C3orf62: variants seen among roughly 807,000 people sequenced by gnomAD.
C3orf62 encodes chromosome 3 open reading frame 62.
In C3orf62, 16 loss-of-function variants were observed where a neutral mutation model predicts 21.7. That is an observed-to-expected ratio of 0.74 (90% CI 0.50 to 1.12). The LOEUF (loss-of-function observed/expected upper bound fraction) is 1.12. Ranked by LOEUF, C3orf62 falls within the 50% of genes most tolerant of loss-of-function variation. The pLI is 0.00. For synonymous variants in C3orf62, 114 were observed against 117.0 expected, an observed-to-expected ratio of 0.97 and a Z score of 0.17; for missense variants, 310 against 318.8, an observed-to-expected ratio of 0.97 and a Z score of 0.21.
intron 1 of C3orf62, among the ~76,000 whole-genome samples, chr3:49,276,169 T>TACTGCAAAGTGGTTTCC (rs1188317469): frequency 1.3e-5 from 2 of 152,196 alleles, no homozygotes; most frequent in African/African-American, 4.8e-5. Context: ...CCCCTTTGGG[T>TACTGCAAAGTGGTTTCC]ACTGCAAAGT....
rs746086446 is a variant in C3orf62 at position 49,272,534 on chromosome 3, C to CTTTTTTTT, written c.539-1097_539-1090dup. On this transcript the variant is annotated intron_variant, in intron 2 of 2. Transcript: ENST00000343010. ...TTTGACTTCTAATTTTTCTCCTAAT[C>CTTTTTTTT]TTTTTTTTTTTTTTTTTTTTTTTTT... 1.3e-3 allele frequency among the ~76,000 whole-genome samples: 68 copies of CTTTTTTTT among 51,844 alleles called. 12 individuals carry two copies. Among genetic ancestry groups the CTTTTTTTT allele is most frequent in the African/African-American group, 2.0e-3 (24 of 11,718 alleles). 34.0% of individuals were successfully genotyped at this position (51,844 alleles called of 152,430 possible).
chr3:49,275,616 C>T (rs1213766710), intron 1 of C3orf62, among the ~76,000 whole-genome samples: 1 of 136,854 alleles, frequency 7.3e-6, no homozygotes, highest in South Asian at 2.4e-4. Flanking sequence ...CTGCAAGCTC[C>T]GCCTCCCGGG....
intron 1 of C3orf62, among the ~76,000 whole-genome samples, chr3:49,275,687 C>A (rs1044382764): frequency 1.3e-5 from 2 of 151,452 alleles, no homozygotes; most frequent in Non-Finnish European, 2.9e-5. Context: ...CCCGCCACCA[C>A]GCCCGGCTAA....
In C3orf62 at chr3:49,276,991, C is replaced by G; in HGVS notation, c.-119G>C. 1.4e-6 allele frequency: 2 copies of G among 1,473,952 alleles called. No individual in the cohort carries two copies. The highest frequency in any genetic ancestry group is 2.5e-5 in the Admixed American group (1 of 40,536). The allele number at this position is 1,473,952 out of a possible 1,614,324, so 91.3% of individuals were successfully genotyped here. On this transcript the variant is annotated 5_prime_UTR_variant, in exon 1 of 3. Transcript: ENST00000343010. ...GCAGGACCCACAACCCTCGGGCTTT[C>G]CTCCTGGAGTAGGCGGTTCTCGGCT...
intron 1 of C3orf62, among the ~76,000 whole-genome samples, chr3:49,275,289 T>G (rs1467999192): frequency 6.6e-6 from 1 of 150,850 alleles, no homozygotes; most frequent in Non-Finnish European, 1.5e-5. Flanking sequence ...TATGTTTGTA[T>G]TTTTAGTGGA....
chr3:49,277,063 C>T lies in C3orf62; in HGVS notation c.-191G>A, dbSNP rs1165194251. 5 of 1,481,416 alleles carry T rather than the reference C, an allele frequency of 3.4e-6. No homozygotes were observed. In the African/African-American group the frequency reaches 7.0e-5, roughly 21 times the overall value. 91.8% of individuals were successfully genotyped at this position (1,481,416 alleles called of 1,614,324 possible). On this transcript the variant is annotated 5_prime_UTR_variant, in exon 1 of 3. Coordinates refer to ENST00000343010, the MANE Select transcript of C3orf62 (RefSeq NM_198562.3). Reference sequence around the variant, plus strand: ...TGCCAGAAGCCCCAAAGACGCCCCGCCCCACTTCCCACAGCTTCCTGGCCC... The same window carrying T: ...TGCCAGAAGCCCCAAAGACGCCCCGTCCCACTTCCCACAGCTTCCTGGCCC...
At chr3:49,275,237 C>G (rs1361791010) in intron 1 of C3orf62, among the ~76,000 whole-genome samples, 2 of 151,772 alleles carry the variant, frequency 1.3e-5, no homozygotes, top group Non-Finnish European at 2.9e-5. Context: ...CCTCGGCCTC[C>G]CAAGTAGCTG....
chr3:49,270,271 C>G lies in C3orf62; in HGVS notation c.*909G>C, dbSNP rs1170336340. 6.6e-6 allele frequency: 1 copy of G among 152,196 alleles called. No homozygotes were observed. The highest frequency in any genetic ancestry group is 1.5e-5 in the Non-Finnish European group (1 of 68,056). 9.4% of individuals were successfully genotyped at this position (152,196 alleles called of 1,614,324 possible). On this transcript the variant is annotated 3_prime_UTR_variant, in exon 3 of 3. Transcript: ENST00000343010. ...AATCAAAACAAAAAACAGCCTTTTGCCAGCTCTGCCTCACCCCCATATTCC... is the reference window on the plus strand; with the variant it reads ...AATCAAAACAAAAAACAGCCTTTTGGCAGCTCTGCCTCACCCCCATATTCC...
At chr3:49,273,430 C>T (rs1220171511) in intron 2 of C3orf62, among the ~76,000 whole-genome samples, 1 of 151,900 alleles carries the variant, frequency 6.6e-6, no homozygotes, top group African/African-American at 2.4e-5. Flanking sequence ...TCTCTCCCCC[C>T]AAAAAGTGGT....
At chr3:49,272,348 C>T (rs929263900) in intron 2 of C3orf62, among the ~76,000 whole-genome samples, 11 of 151,680 alleles carry the variant, frequency 7.3e-5, no homozygotes, top group Non-Finnish European at 1.3e-4. Context: ...ATAAAAAATA[C>T]TACTACTAAT....
At chr3:49,276,377 A>C in intron 1 of C3orf62, 50 bp downstream of exon 1, 1 of 1,545,330 alleles carries the variant, frequency 6.5e-7, no homozygotes, top group Non-Finnish European at 8.8e-7. Context: ...CTTTTTCAGA[A>C]ACAAGAATCC....
Position 49,276,659 on chromosome 3 carries a change from C to G in C3orf62, c.214G>C (p.Ala72Pro), listed in dbSNP as rs1374577542. The G allele has an allele frequency of 1.2e-6, 2 of 1,614,226 alleles. No homozygotes were observed. The highest frequency in any genetic ancestry group is 8.5e-7 in the Non-Finnish European group (1 of 1,180,040). ...GCAAAAGGAGCAGCAGAAGAGCAGG[C>G]TGCCAGAGGATGTCTTCTGCAGAGG... is the stretch of plus-strand genomic sequence containing the variant. The part of the protein sequence containing the change: ...RLLCRRHPLA[A>P]CSSAAPFAAV... The change falls in exon 1 of 3, where the codon GCC becomes CCC. Residue 72 changes from alanine to proline, a missense_variant. Transcript: ENST00000343010.
rs1352060616 is a variant in C3orf62, at chr3:49,276,560, G to A, written c.313C>T (p.His105Tyr). The A allele has an allele frequency of 6.2e-7, 1 of 1,614,110 alleles. No individual in the cohort carries two copies. The highest frequency in any genetic ancestry group is 1.1e-5 in the South Asian group (1 of 91,090). Residue 105 changes from histidine to tyrosine, a missense_variant, in exon 1 of 3, where the codon CAT becomes TAT. Transcript: ENST00000343010. ...TNHAPVNAKP[H>Y]ALCPERKPLT... ...GGTTTTCTCTCGGGGCACAGAGCAT[G>A]TGGTTTTGCATTTACCGGGGCATGG...
intron 2 of C3orf62, among the ~76,000 whole-genome samples, 195 bp downstream of exon 2, chr3:49,273,854 C>T (rs1388743229): frequency 6.6e-6 from 1 of 152,104 alleles, no homozygotes; most frequent in Non-Finnish European, 1.5e-5. Flanking sequence ...CGGGGTTTCA[C>T]CATATTGGTT....
In C3orf62 at chr3:49,269,016, C is replaced by G. The variant is rs1575593758; in HGVS notation, c.*2164G>C. 1 of 152,412 alleles carries G rather than the reference C, an allele frequency of 6.6e-6. No individual in the cohort carries two copies. The highest frequency in any genetic ancestry group is 1.5e-5 in the Non-Finnish European group (1 of 68,074). The allele number at this position is 152,412 out of a possible 1,614,324, so 9.4% of individuals were successfully genotyped here. Reference sequence around the variant, plus strand: ...TTCTGACCTCAAGTGATCTGCCCGCCTCAGCCTCCCAAAGTGTCGGGGATT... The same window carrying G: ...TTCTGACCTCAAGTGATCTGCCCGCGTCAGCCTCCCAAAGTGTCGGGGATT... On this transcript the variant is annotated 3_prime_UTR_variant, in exon 3 of 3. Coordinates refer to ENST00000343010, the MANE Select transcript of C3orf62 (RefSeq NM_198562.3).
chr3:49,269,766 T>TCTAA lies in C3orf62; in HGVS notation c.*1410_*1413dup, dbSNP rs1395218716. 7 of 152,226 alleles carry TCTAA rather than the reference T, an allele frequency of 4.6e-5. No homozygotes were observed. Among genetic ancestry groups the TCTAA allele is most frequent in the Admixed American group, 3.9e-4 (6 of 15,272 alleles). 9.4% of individuals were successfully genotyped at this position (152,226 alleles called of 1,614,324 possible). A position where few individuals can be genotyped will look rare whatever the true frequency, so the allele number is the denominator to read the frequency against. ...GGCACATGCAATCAAGTGGCCAGGG[T>TCTAA]CTAACCATGCCATAGTTCTTGGGGC... On this transcript the variant is annotated 3_prime_UTR_variant, in exon 3 of 3. Coordinates refer to ENST00000343010, the MANE Select transcript of C3orf62 (RefSeq NM_198562.3).
chr3:49,271,102 G>T lies in C3orf62; in HGVS notation c.*78C>A. On this transcript the variant is annotated 3_prime_UTR_variant, in exon 3 of 3. Transcript: ENST00000343010. Reference sequence around the variant, plus strand: ...CAACCTTTTGAGAAATGTGGCCCCTGACGGCCATTGTAGCTGCTTCTGCTC... The same window carrying T: ...CAACCTTTTGAGAAATGTGGCCCCTTACGGCCATTGTAGCTGCTTCTGCTC... 1 of 1,426,294 alleles carries T rather than the reference G, an allele frequency of 7.0e-7. No homozygotes were observed. Among genetic ancestry groups the T allele is most frequent in the Non-Finnish European group, 9.5e-7 (1 of 1,047,960 alleles). 88.4% of individuals were successfully genotyped at this position (1,426,294 alleles called of 1,614,324 possible).
At chr3:49,276,140 G>A (rs913246468) in intron 1 of C3orf62, among the ~76,000 whole-genome samples, 2 of 152,200 alleles carry the variant, frequency 1.3e-5, no homozygotes, top group Admixed American at 6.5e-5. Context: ...TTTAAAACCC[G>A]GTTATTTTAC....
intron 1 of C3orf62, among the ~76,000 whole-genome samples, chr3:49,275,541 T>C (rs937645389): frequency 8.3e-6 from 1 of 119,870 alleles, no homozygotes; most frequent in Non-Finnish European, 1.8e-5. Context: ...TTTTTTTTTT[T>C]TTTTTTTGAT....
Sources: gnomAD v4.1 joint callset for allele counts (sites outside exome capture counted in the v4.1 genomes callset) on GRCh38, gnomAD v4.1.1 for gene constraint, MANE v1.5 for transcripts, NCBI Gene and HGNC (gene_info 2026-07-23, HGNC 2026-07-21) for gene names.